Variants in NRCAM observed in about 807,000 individuals in gnomAD.
NRCAM encodes the protein NgCAM-related cell adhesion molecule.
NRCAM carries 83 observed loss-of-function variants against 156.5 expected under a neutral mutation model. The ratio of observed to expected loss-of-function variants is 0.53; its 90% CI spans 0.44 to 0.64. The LOEUF is 0.64. Among genes scored for constraint, NRCAM ranks in the 30% least tolerant of loss-of-function variants. The pLI, the probability that NRCAM is intolerant of heterozygous loss-of-function variation, is 0.00. For missense variants in NRCAM, 1,417 were observed against 1,597.3 expected (o/e 0.89, Z 1.92); for synonymous variants, 538 against 563.9 (o/e 0.95, Z 0.65).
chr7:108,266,439 G>A (rs1184322001), intron 3 of NRCAM, among the ~76,000 whole-genome samples: 3 of 152,198 alleles, frequency 2.0e-5, no homozygotes, highest in South Asian at 4.1e-4. Context: ...ACCCAGATGA[G>A]GCTTATGGTC....
intron 3 of NRCAM, among the ~76,000 whole-genome samples, chr7:108,290,144 T>G (rs2098241540): frequency 6.6e-6 from 1 of 152,178 alleles, no homozygotes; most frequent in Non-Finnish European, 1.5e-5. Flanking sequence ...GTTAGCTAAA[T>G]CCAATAAATT....
In NRCAM at chr7:108,429,028, G is replaced by A. The variant is rs191535316; in HGVS notation, c.-332+27215C>T. 5.3e-5 allele frequency among the ~76,000 whole-genome samples: 8 copies of A among 151,894 alleles called. No individual in the cohort carries two copies. In the East Asian group the frequency reaches 1.2e-3, roughly 22 times the overall value. On this transcript the variant is annotated intron_variant, in intron 1 of 32. Coordinates refer to ENST00000379028, the MANE Select transcript of NRCAM (RefSeq NM_001037132.4). Reference sequence around the variant, plus strand: ...CATAAAGAGGAAACTCAGTAATCCCGCACAAGCACTGTTTTGTTCAGAGGG... The same window carrying A: ...CATAAAGAGGAAACTCAGTAATCCCACACAAGCACTGTTTTGTTCAGAGGG...
intron 1 of NRCAM, among the ~76,000 whole-genome samples, chr7:108,426,463 A>G (rs1817416729): frequency 6.6e-6 from 1 of 152,214 alleles, no homozygotes; most frequent in Non-Finnish European, 1.5e-5. Context: ...AGGGAAATCC[A>G]TTTTACTCTG....
At chr7:108,211,396 G>T (rs1021978567) in intron 11 of NRCAM, among the ~76,000 whole-genome samples, 4 of 152,174 alleles carry the variant, frequency 2.6e-5, no homozygotes, top group African/African-American at 9.7e-5. Flanking sequence ...CCAGAACTCG[G>T]GAAAGGGCAT....
rs75570722 is a variant in NRCAM at position 108,412,100 on chromosome 7, A to T, written c.-331-12507T>A. Among the ~76,000 whole-genome samples, 186 of 152,338 alleles carry T rather than the reference A, an allele frequency of 1.2e-3. 5 individuals carry two copies. In the East Asian group the frequency reaches 0.033, roughly 27 times the overall value. On this transcript the variant is annotated intron_variant, in intron 1 of 32. Coordinates refer to ENST00000379028, the MANE Select transcript of NRCAM (RefSeq NM_001037132.4). ...GCTATTATGATTTACACATTCATAA[A>T]TGTATAAGAAAACTGTTTTTCTATC...
chr7:108,346,678 G>A (rs1387812559), intron 2 of NRCAM, among the ~76,000 whole-genome samples: 1 of 152,170 alleles, frequency 6.6e-6, no homozygotes, highest in East Asian at 1.9e-4. Context: ...GATTTGGGAA[G>A]ATTAAGTGGC....
At chr7:108,203,066 C>T (rs961366995) in intron 13 of NRCAM, among the ~76,000 whole-genome samples, 7 of 152,116 alleles carry the variant, frequency 4.6e-5, no homozygotes, top group Middle Eastern at 3.2e-3. Context: ...CTCAAAAACA[C>T]CCCCCTCAGT....
At chr7:108,423,424 GA>G (rs1322857284) in intron 1 of NRCAM, among the ~76,000 whole-genome samples, 1 of 151,942 alleles carries the variant, frequency 6.6e-6, no homozygotes, top group Non-Finnish European at 1.5e-5. Context: ...GATTCAGAGA[GA>G]AAAGGAAGAG....
At chr7:108,370,545 A>T (rs934548086) in intron 2 of NRCAM, among the ~76,000 whole-genome samples, 2 of 152,158 alleles carry the variant, frequency 1.3e-5, no homozygotes, top group African/African-American at 4.8e-5. Context: ...TAGGATAATA[A>T]ATTAGCAATC....
chr7:108,393,845 A>G (rs2099769285), intron 2 of NRCAM, among the ~76,000 whole-genome samples: 1 of 152,294 alleles, frequency 6.6e-6, no homozygotes, highest in East Asian at 1.9e-4. Context: ...ATCCTCATAC[A>G]CACACGTGCT....
Position 108,381,487 on chromosome 7 carries a change from A to G in NRCAM, c.-174+17949T>C, listed in dbSNP as rs976998658. 6.6e-5 allele frequency among the ~76,000 whole-genome samples: 10 copies of G among 152,132 alleles called. No individual in the cohort carries two copies. In the South Asian group the frequency reaches 2.1e-3, roughly 31 times the overall value. On this transcript the variant is annotated intron_variant, in intron 2 of 32. Transcript: ENST00000379028. ...AGGGCAAATAGCGTTTCAAATTTCA[A>G]TAGAAAATGTTAAGGGCTAGTAAAG... is the stretch of plus-strand genomic sequence containing the variant.
chr7:108,328,068 T>C (rs1563283666), intron 2 of NRCAM, among the ~76,000 whole-genome samples: 1 of 152,348 alleles, frequency 6.6e-6, no homozygotes, highest in Non-Finnish European at 1.5e-5. Flanking sequence ...TGTACCCTGA[T>C]GACAAACAAA....
chr7:108,154,025 G>A (rs2043342564), intron 32 of NRCAM, among the ~76,000 whole-genome samples: 1 of 152,128 alleles, frequency 6.6e-6, no homozygotes, highest in Non-Finnish European at 1.5e-5. Flanking sequence ...TTTATTTCCA[G>A]TAACAGCTCA....
intron 19 of NRCAM, among the ~76,000 whole-genome samples, chr7:108,190,664 G>A (rs2070756444): frequency 6.6e-6 from 1 of 152,244 alleles, no homozygotes; most frequent in African/African-American, 2.4e-5. Context: ...AATGATTTCT[G>A]ACTTATTTTC....
intron 11 of NRCAM, among the ~76,000 whole-genome samples, chr7:108,213,788 G>C (rs2086132971): frequency 2.0e-5 from 3 of 152,170 alleles, no homozygotes; most frequent in African/African-American, 7.2e-5. Flanking sequence ...TAATAGTCCT[G>C]AGAGTTTTTA....
chr7:108,353,966 C>T (rs1480107594), intron 2 of NRCAM, among the ~76,000 whole-genome samples: 3 of 152,266 alleles, frequency 2.0e-5, no homozygotes, highest in Non-Finnish European at 4.4e-5. Flanking sequence ...TTGGATTGGT[C>T]GTTTAATGTT....
At chr7:108,435,011 A>C (rs1159909043) in intron 1 of NRCAM, among the ~76,000 whole-genome samples, 1 of 140,422 alleles carries the variant, frequency 7.1e-6, no homozygotes, top group South Asian at 2.4e-4. Context: ...AAAGAAAAAG[A>C]AAGTGTGACT....
intron 18 of NRCAM, 131 bp downstream of exon 18, chr7:108,191,598 G>C (rs2071577724): frequency 8.8e-7 from 1 of 1,131,738 alleles, no homozygotes; most frequent in Non-Finnish European, 1.2e-6. Flanking sequence ...TTTCAAAGAA[G>C]AAAAACATGG....
chr7:108,437,280 G>A (rs1466786367), intron 1 of NRCAM, among the ~76,000 whole-genome samples: 2 of 152,148 alleles, frequency 1.3e-5, no homozygotes. Flanking sequence ...GGAAGAGTGG[G>A]AAGTGGGGGA....
Sources: allele counts gnomAD v4.1 joint callset (sites outside exome capture counted in the v4.1 genomes callset), GRCh38; gene constraint gnomAD v4.1.1; transcripts MANE v1.5; gene names NCBI Gene and HGNC (gene_info 2026-07-23, HGNC 2026-07-21).